The following STAB2 variants were observed in gnomAD, a reference collection of about 807,000 sequenced individuals.
STAB2 encodes the protein stabilin 2, also known as stabilin-2.
A neutral mutation model predicts 338.1 loss-of-function variants in STAB2; 288 were observed. The ratio of observed to expected loss-of-function variants is 0.85; its 90% CI spans 0.77 to 0.94. The LOEUF (loss-of-function observed/expected upper bound fraction) is 0.94, where lower values mean the gene tolerates loss of function less well. Ranked by LOEUF, STAB2 falls within the 40% of genes least tolerant of loss-of-function variation. STAB2 has a pLI of 0.00. For missense variants in STAB2, 3,141 were observed against 3,210.1 expected, an observed-to-expected ratio of 0.98 and a Z score of 0.52; for synonymous variants, 1,202 against 1,193.3, an observed-to-expected ratio of 1.01 and a Z score of -0.15.
intron 17 of STAB2, among the ~76,000 whole-genome samples, chr12:103,661,988 C>A (rs1034952964): frequency 6.6e-6 from 1 of 152,092 alleles, no homozygotes; most frequent in South Asian, 2.1e-4. Context: ...GGATTTTGAA[C>A]TGAGGAATGA....
intron 37 of STAB2, 113 bp from the exon 38 acceptor site, chr12:103,706,679 T>G: frequency 4.3e-6 from 6 of 1,402,382 alleles, no homozygotes; most frequent in Non-Finnish European, 5.9e-6. Context: ...CCACTCCATG[T>G]GAGGTCGAAG....
At chr12:103,703,399 A>G (rs561822570) in intron 35 of STAB2, 123 bp downstream of exon 35, 1 of 1,231,288 alleles carries the variant, frequency 8.1e-7, no homozygotes, top group African/African-American at 1.5e-5. Flanking sequence ...CCACTGAATG[A>G]GTATCTTTGA....
chr12:103,650,844 CT>C (rs1405975430), intron 11 of STAB2, among the ~76,000 whole-genome samples: 1 of 152,216 alleles, frequency 6.6e-6, no homozygotes, highest in South Asian at 2.1e-4. Flanking sequence ...AGAAGGCCCC[CT>C]GGTCCCCCTT....
intron 63 of STAB2, 111 bp from the exon 64 acceptor site, chr12:103,758,059 G>C (rs1188838344): frequency 6.7e-7 from 1 of 1,491,886 alleles, no homozygotes; most frequent in African/African-American, 1.4e-5. Context: ...AGGCTGAGTT[G>C]GCTCACACCA....
In STAB2 at chr12:103,727,336, G is replaced by A. The variant is rs1336662516; in HGVS notation, c.4921G>A (p.Asp1641Asn). 1.2e-6 allele frequency: 2 copies of A among 1,614,240 alleles called. No homozygotes were observed. Among genetic ancestry groups the A allele is most frequent in the South Asian group, 2.2e-5 (2 of 91,086 alleles). Reference protein sequence around the residue: ...TVFAPLSAAFDEEARVKDWDK... With the variant: ...TVFAPLSAAFNEEARVKDWDK... ...TTTTGCACCTTTATCTGCAGCCTTT[G>A]ATGAGGAAGCTCGGGTGAGCATGAG... is the stretch of plus-strand genomic sequence containing the variant. Residue 1641 changes from aspartate to asparagine, a missense_variant, in exon 47 of 69, where the codon GAT becomes AAT. Transcript: ENST00000388887.
chr12:103,643,846 C>A (rs923931057), intron 9 of STAB2, among the ~76,000 whole-genome samples: 11 of 149,962 alleles, frequency 7.3e-5, no homozygotes, highest in Non-Finnish European at 1.3e-4. Flanking sequence ...GTCAGCCCCC[C>A]ACCCGGCCAG....
chr12:103,728,932 C>G lies in STAB2; in HGVS notation c.5019C>G (p.Asn1673Lys), dbSNP rs1174504681. ...VVACHQLLLE[N>K]LKLISNATSL... ...CCTGCCACCAGCTGCTTCTGGAAAACCTGAAATTGATCTCAAATGCTACTT... is the reference window on the plus strand; with the variant it reads ...CCTGCCACCAGCTGCTTCTGGAAAAGCTGAAATTGATCTCAAATGCTACTT... The change falls in exon 48 of 69, where the codon AAC (asparagine) becomes AAG (lysine). Residue 1673 changes from asparagine to lysine, a missense_variant. Transcript: ENST00000388887. 1 of 1,613,972 alleles carries G rather than the reference C, an allele frequency of 6.2e-7. No individual in the cohort carries two copies. The highest frequency in any genetic ancestry group is 1.3e-5 in the African/African-American group (1 of 75,036).
At chr12:103,681,984 T>A (rs1048943666) in intron 25 of STAB2, among the ~76,000 whole-genome samples, 5 of 152,090 alleles carry the variant, frequency 3.3e-5, no homozygotes, top group Admixed American at 6.5e-5. Context: ...TCAACCCTAT[T>A]TCCAAATAAG....
rs11111719 is a variant in STAB2 at position 103,707,543 on chromosome 12, A to G, written c.4192+556A>G. ...CTGTTCTTTACCTGAGGGTTGCTCT[A>G]TTGTTTCACCAGCAGCAAGACACAT... On this transcript the variant is annotated intron_variant, in intron 38 of 68. Coordinates refer to ENST00000388887, the MANE Select transcript of STAB2 (RefSeq NM_017564.10). 8.3e-4 allele frequency among the ~76,000 whole-genome samples: 127 copies of G among 152,282 alleles called. 1 individual carries two copies. In the East Asian group the frequency reaches 0.023, roughly 27 times the overall value.
chr12:103,689,252 G>A (rs1453864679), intron 28 of STAB2, among the ~76,000 whole-genome samples: 2 of 152,172 alleles, frequency 1.3e-5, no homozygotes, highest in Non-Finnish European at 2.9e-5. Flanking sequence ...GGAGGCTGAG[G>A]TGGGTGGATC....
intron 44 of STAB2, among the ~76,000 whole-genome samples, chr12:103,722,728 GA>G (rs67777146): frequency 0.12 from 18,816 of 150,590 alleles, 2,281 homozygotes; most frequent in African/African-American, 0.32. Flanking sequence ...TCTCTTAAAG[GA>G]AAAAAAAAGG....
In STAB2 at chr12:103,689,726, A is replaced by G. The variant is rs1313735706; in HGVS notation, c.3046-120A>G. On this transcript the variant is annotated intron_variant, in intron 28 of 68. Coordinates refer to ENST00000388887, the MANE Select transcript of STAB2 (RefSeq NM_017564.10). ...CCAGTGGGTGGGGTGGATTTGGGAA[A>G]GGAGACCCTAGGACCCTTCCAGTAT... 3.1e-6 allele frequency: 4 copies of G among 1,276,808 alleles called. No homozygotes were observed. The Admixed American group carries it at 1.0e-4, about 33-fold the overall frequency. The allele number at this position is 1,276,808 out of a possible 1,614,324, so 79.1% of individuals were successfully genotyped here.
intron 1 of STAB2, 95 bp from the exon 2 acceptor site, chr12:103,590,802 T>A: frequency 6.9e-7 from 1 of 1,454,496 alleles, no homozygotes; most frequent in African/African-American, 1.4e-5. Flanking sequence ...ATTGAGATGA[T>A]TGGAGACATT....
intron 51 of STAB2, among the ~76,000 whole-genome samples, chr12:103,734,954 C>T (rs895771096): frequency 6.6e-6 from 1 of 152,166 alleles, no homozygotes; most frequent in African/African-American, 2.4e-5. Flanking sequence ...TGTTTCTGTG[C>T]CTTCACGTAG....
At chr12:103,734,037 C>T (rs1005667789) in intron 51 of STAB2, among the ~76,000 whole-genome samples, 5 of 144,278 alleles carry the variant, frequency 3.5e-5, no homozygotes, top group East Asian at 2.1e-4. Context: ...GGAACAAGCG[C>T]GATCATATGG....
rs1565991886 is a variant in STAB2 at position 103,660,375 on chromosome 12, A to C, written c.1779A>C (p.Pro593=). ...LLELVRYHIV[P]FTQLEVATLI... is the part of the protein sequence containing the mutation. ...AACTCGTCAGATACCACATTGTCCC[A>C]TTTACCCAGGTTGGCCCCACTTTTC... The change falls in exon 16 of 69, where the codon CCA becomes CCC. Residue 593 remains proline, a synonymous_variant. Transcript: ENST00000388887. 4 of 1,614,004 alleles carry C rather than the reference A, an allele frequency of 2.5e-6. No individual in the cohort carries two copies. The highest frequency in any genetic ancestry group is 2.5e-6 in the Non-Finnish European group (3 of 1,180,028).
intron 47 of STAB2, 134 bp from the exon 48 acceptor site, chr12:103,728,715 C>A (rs1267174557): frequency 8.8e-7 from 1 of 1,140,920 alleles, no homozygotes; most frequent in Non-Finnish European, 1.3e-6. Flanking sequence ...ATAATCCTGA[C>A]CACAAAGCTT....
At chr12:103,738,531 C>T (rs1009436853) in intron 53 of STAB2, among the ~76,000 whole-genome samples, 3 of 152,184 alleles carry the variant, frequency 2.0e-5, no homozygotes, top group Non-Finnish European at 4.4e-5. Flanking sequence ...CAGTACCTGG[C>T]ATCCCCTAGG....
At chr12:103,725,639 T>C (rs749384845) in intron 45 of STAB2, among the ~76,000 whole-genome samples, 4 of 152,174 alleles carry the variant, frequency 2.6e-5, no homozygotes, top group Non-Finnish European at 4.4e-5. Flanking sequence ...GGTGCATATG[T>C]GCATGTGTGT....
Sources: allele counts gnomAD v4.1 joint callset (sites outside exome capture counted in the v4.1 genomes callset), GRCh38; gene constraint gnomAD v4.1.1; transcripts MANE v1.5; gene names NCBI Gene and HGNC (gene_info 2026-07-23, HGNC 2026-07-21).